The following GRIK4 variants were observed in gnomAD, a reference collection of about 807,000 sequenced individuals.
GRIK4 encodes the protein glutamate receptor ionotropic, kainate 4.
Under a neutral mutation model 104.9 loss-of-function variants are expected in GRIK4, and 40 were observed. That is an observed-to-expected ratio of 0.38 (90% CI 0.30 to 0.50). The LOEUF is 0.50. GRIK4 is among the 20% of genes least tolerant of loss of function. The pLI, the probability that GRIK4 is intolerant of heterozygous loss-of-function variation, is 0.93. For missense variants in GRIK4, 1,047 were observed against 1,308.1 expected (o/e 0.80, Z 3.08); for synonymous variants, 485 against 524.9 (o/e 0.92, Z 1.04).
chr11:120,697,477 C>T (rs773963274), intron 3 of GRIK4, among the ~76,000 whole-genome samples: 3 of 152,048 alleles, frequency 2.0e-5, no homozygotes, highest in Admixed American at 6.6e-5. Flanking sequence ...TAGCTGGGTA[C>T]GGTGGCATGC....
intron 4 of GRIK4, among the ~76,000 whole-genome samples, chr11:120,805,460 CA>C (rs1952693271): frequency 6.6e-6 from 1 of 152,176 alleles, no homozygotes; most frequent in African/African-American, 2.4e-5. Flanking sequence ...CCAGATGAAT[CA>C]GGGGAATAAA....
At chr11:120,516,053 C>T (rs1056497558) in intron 1 of GRIK4, among the ~76,000 whole-genome samples, 1 of 152,114 alleles carries the variant, frequency 6.6e-6, no homozygotes, top group East Asian at 1.9e-4. Context: ...CATCCTCTGC[C>T]TTAAAAACCA....
chr11:120,822,135 C>G (rs1379923076), intron 6 of GRIK4, among the ~76,000 whole-genome samples: 1 of 148,536 alleles, frequency 6.7e-6, no homozygotes. Context: ...CACTTGAACC[C>G]TGGAGGTGGA....
chr11:120,981,828 C>T (rs527917617), intron 19 of GRIK4, among the ~76,000 whole-genome samples: 26 of 152,154 alleles, frequency 1.7e-4, no homozygotes, highest in Non-Finnish European at 3.7e-4. Flanking sequence ...CCTCACCTCC[C>T]AGCCCCAGAC....
At chr11:120,782,167 G>A (rs1486289572) in intron 3 of GRIK4, among the ~76,000 whole-genome samples, 1 of 151,932 alleles carries the variant, frequency 6.6e-6, no homozygotes, top group East Asian at 1.9e-4. Flanking sequence ...CCTTACATGT[G>A]TGCTGTCTGC....
intron 13 of GRIK4, among the ~76,000 whole-genome samples, chr11:120,916,845 C>A (rs934604292): frequency 2.0e-5 from 3 of 152,138 alleles, no homozygotes; most frequent in African/African-American, 4.8e-5. Flanking sequence ...CTGAAAAAGT[C>A]GGAAATTCGA....
intron 13 of GRIK4, among the ~76,000 whole-genome samples, chr11:120,934,171 C>T (rs1193617401): frequency 1.4e-5 from 2 of 142,738 alleles, no homozygotes; most frequent in Non-Finnish European, 3.0e-5. Context: ...CGCCACTGCA[C>T]TCCAGGCTGG....
chr11:120,953,983 T>G lies in GRIK4; in HGVS notation c.1700+1019T>G, dbSNP rs11218078. On this transcript the variant is annotated intron_variant, in intron 15 of 20. Coordinates refer to ENST00000527524, the MANE Select transcript of GRIK4 (RefSeq NM_014619.5). The surrounding 1 kb of genome is among the most constrained non-coding windows in gnomAD (Gnocchi z 4.9). ...TCTCTTCAGTTGTTACCTTTGCCTCTAGGCCACAGTGGGAGGGCAGACAGT... is the reference window on the plus strand; with the variant it reads ...TCTCTTCAGTTGTTACCTTTGCCTCGAGGCCACAGTGGGAGGGCAGACAGT... 0.16 allele frequency among the ~76,000 whole-genome samples: 24,498 copies of G among 152,182 alleles called. 2,075 individuals carry two copies. The highest frequency in any genetic ancestry group is 0.28 in the Middle Eastern group (82 of 294).
intron 3 of GRIK4, among the ~76,000 whole-genome samples, chr11:120,751,742 C>T (rs547082750): frequency 2.0e-5 from 3 of 152,352 alleles, no homozygotes; most frequent in East Asian, 1.9e-4. Flanking sequence ...GCAGCATCTT[C>T]GGTGAAGGGC....
At chr11:120,941,602 A>G (rs926542171) in intron 14 of GRIK4, among the ~76,000 whole-genome samples, 3 of 152,238 alleles carry the variant, frequency 2.0e-5, no homozygotes, top group African/African-American at 7.2e-5. Flanking sequence ...CAGCCATGCT[A>G]GATTAGGCTG....
chr11:120,526,450 G>A (rs1427827552), intron 1 of GRIK4, among the ~76,000 whole-genome samples: 3 of 152,252 alleles, frequency 2.0e-5, no homozygotes, highest in East Asian at 1.9e-4. Context: ...CTCCCACCTC[G>A]GCCTCTCAAA....
chr11:120,528,858 A>G (rs1203150285), intron 1 of GRIK4, among the ~76,000 whole-genome samples: 5 of 152,176 alleles, frequency 3.3e-5, no homozygotes, highest in Non-Finnish European at 7.4e-5. Flanking sequence ...TCCTCCCACG[A>G]CACATGGGAA....
chr11:120,886,167 A>C (rs1955114250), intron 11 of GRIK4, among the ~76,000 whole-genome samples: 1 of 152,232 alleles, frequency 6.6e-6, no homozygotes. Context: ...ACATGTACAG[A>C]GCAGCAAAAA....
chr11:120,529,624 T>C (rs114532992), intron 1 of GRIK4, among the ~76,000 whole-genome samples: 3,894 of 152,358 alleles, frequency 0.026, 173 homozygotes, highest in African/African-American at 0.088. Flanking sequence ...AAGTGCTGTC[T>C]GTCACTTATC....
chr11:120,820,036 C>T, intron 6 of GRIK4, 116 bp downstream of exon 6: 1 of 929,600 alleles, frequency 1.1e-6, no homozygotes, highest in Non-Finnish European at 1.7e-6. Context: ...TTCAGATCCA[C>T]AGGGCTGATA....
chr11:120,706,658 G>A (rs1950635127), intron 3 of GRIK4, among the ~76,000 whole-genome samples: 1 of 152,182 alleles, frequency 6.6e-6, no homozygotes. Context: ...GACCTATGGG[G>A]ATCTTTATCA....
At chr11:120,777,766 G>C (rs1453041995) in intron 3 of GRIK4, among the ~76,000 whole-genome samples, 1 of 152,066 alleles carries the variant, frequency 6.6e-6, no homozygotes, top group East Asian at 1.9e-4. Flanking sequence ...GTGAAACCCT[G>C]TCCTTACTAA....
intron 6 of GRIK4, among the ~76,000 whole-genome samples, chr11:120,831,139 G>C (rs1313056102): frequency 2.0e-5 from 3 of 152,170 alleles, no homozygotes; most frequent in African/African-American, 4.8e-5. Flanking sequence ...TTCAAAGCCT[G>C]TTCCCTTATG....
chr11:120,913,891 A>G (rs1943051745), intron 13 of GRIK4, among the ~76,000 whole-genome samples: 1 of 151,412 alleles, frequency 6.6e-6, no homozygotes, highest in African/African-American at 2.4e-5. Flanking sequence ...TGGTCCCCTG[A>G]GATTACTTTT....
Sources: allele counts gnomAD v4.1 joint callset (sites outside exome capture counted in the v4.1 genomes callset), GRCh38; gene constraint gnomAD v4.1.1; non-coding constraint Gnocchi (gnomAD v3.1); transcripts MANE v1.5; gene names NCBI Gene and HGNC (gene_info 2026-07-23, HGNC 2026-07-21).